Variants in SYT2 observed in about 807,000 individuals in gnomAD.
The protein encoded by SYT2 is synaptotagmin-2.
SYT2 carries 15 observed loss-of-function variants against 39.9 expected under a neutral mutation model. The ratio of observed to expected loss-of-function variants is 0.38; its 90% CI spans 0.25 to 0.58. The LOEUF is 0.58. Among genes scored for constraint, SYT2 ranks in the 20% least tolerant of loss-of-function variants. The pLI, the probability that SYT2 is intolerant of heterozygous loss-of-function variation, is 0.70. For missense variants in SYT2, 389 were observed against 530.3 expected (o/e 0.73, Z 2.62); for synonymous variants, 181 against 204.5 (o/e 0.89, Z 0.98).
At chr1:202,669,985 C>T (rs1692558431) in intron 1 of SYT2, among the ~76,000 whole-genome samples, 1 of 152,098 alleles carries the variant, frequency 6.6e-6, no homozygotes, top group Non-Finnish European at 1.5e-5. Context: ...GGTCCAGATC[C>T]ATTGAACAAC....
chr1:202,680,376 G>T (rs1473713052), intron 1 of SYT2, among the ~76,000 whole-genome samples: 1 of 152,170 alleles, frequency 6.6e-6, no homozygotes, highest in Non-Finnish European at 1.5e-5. Flanking sequence ...ACCTTTTGAT[G>T]ATTAAATTTG....
At chr1:202,611,560 T>C (rs1204252682) in intron 1 of SYT2, among the ~76,000 whole-genome samples, 1 of 152,162 alleles carries the variant, frequency 6.6e-6, no homozygotes, top group Non-Finnish European at 1.5e-5. Context: ...TTTACCATGT[T>C]GGCCAGGCTG....
intron 1 of SYT2, among the ~76,000 whole-genome samples, chr1:202,709,232 TCTC>T (rs936088096): frequency 2.0e-5 from 3 of 152,118 alleles, no homozygotes; most frequent in Non-Finnish European, 1.5e-5. Context: ...TGCACTCCCT[TCTC>T]CTGCTGCGGG....
At chr1:202,687,681 A>G (rs1002646484) in intron 1 of SYT2, among the ~76,000 whole-genome samples, 5 of 151,668 alleles carry the variant, frequency 3.3e-5, no homozygotes, top group African/African-American at 4.8e-5. Context: ...AAAAAAAAAA[A>G]AAAGAAAAGA....
intron 1 of SYT2, among the ~76,000 whole-genome samples, chr1:202,678,787 A>G (rs1474519523): frequency 6.6e-6 from 1 of 152,124 alleles, no homozygotes; most frequent in East Asian, 1.9e-4. Flanking sequence ...TTATAAATTA[A>G]AACACAGATG....
At chr1:202,686,065 T>A (rs948002102) in intron 1 of SYT2, among the ~76,000 whole-genome samples, 1 of 152,190 alleles carries the variant, frequency 6.6e-6, no homozygotes, top group African/African-American at 2.4e-5. Context: ...GGTTTGGATA[T>A]CTGTCCCACT....
At chr1:202,660,115 T>A (rs1453066735) in intron 1 of SYT2, among the ~76,000 whole-genome samples, 1 of 151,960 alleles carries the variant, frequency 6.6e-6, no homozygotes, top group Non-Finnish European at 1.5e-5. Flanking sequence ...CCTCCTGGGG[T>A]CAGGACAAGG....
chr1:202,666,010 G>A (rs908412672), intron 1 of SYT2, among the ~76,000 whole-genome samples: 12 of 150,782 alleles, frequency 8.0e-5, no homozygotes, highest in African/African-American at 2.2e-4. Flanking sequence ...AAAATTAGCC[G>A]GGCGTGGTGG....
Position 202,599,498 on chromosome 1 carries a change from A to G in SYT2, c.920-147T>C. 1.1e-6 allele frequency: 1 copy of G among 946,832 alleles called. No individual in the cohort carries two copies. The allele number at this position is 946,832 out of a possible 1,614,324, so 58.7% of individuals were successfully genotyped here. A position where few individuals can be genotyped will look rare whatever the true frequency, so the allele number is the denominator to read the frequency against. On this transcript the variant is annotated intron_variant, in intron 7 of 8. Coordinates refer to ENST00000367268, the MANE Select transcript of SYT2 (RefSeq NM_177402.5). The surrounding 1 kb of genome is among the most constrained non-coding windows in gnomAD (Gnocchi z 4.4). ...CCCTCAGAAAGCCCCAAGTCATGCC[A>G]TCCAGTTCAAAGGTGGCAAAAGGCT... is the stretch of plus-strand genomic sequence containing the variant.
intron 1 of SYT2, among the ~76,000 whole-genome samples, chr1:202,663,169 G>A (rs538740485): frequency 6.4e-4 from 97 of 152,330 alleles, no homozygotes; most frequent in East Asian, 2.3e-3. Flanking sequence ...ACAAGAAAGA[G>A]AACTCAAGCC....
rs779602046 is a variant in SYT2 at position 202,600,347 on chromosome 1, C to T, written c.919+10G>A. On this transcript the variant is annotated intron_variant, in intron 7 of 8. Coordinates refer to ENST00000367268, the MANE Select transcript of SYT2 (RefSeq NM_177402.5). ...TGCCACCCAATGGCAGCCAGAAGCT[C>T]TCCACGTACCTGAAAGGCCGCCCAC... is the stretch of plus-strand genomic sequence containing the variant. 72 of 1,612,746 alleles carry T rather than the reference C, an allele frequency of 4.5e-5. No individual in the cohort carries two copies. Among genetic ancestry groups the T allele is most frequent in the Non-Finnish European group, 5.8e-5 (68 of 1,178,970 alleles).
intron 1 of SYT2, among the ~76,000 whole-genome samples, chr1:202,652,822 C>T (rs1250359830): frequency 2.0e-5 from 3 of 152,214 alleles, no homozygotes; most frequent in Non-Finnish European, 4.4e-5. Context: ...TACTTAAACT[C>T]TCTGAGCTCC....
intron 1 of SYT2, among the ~76,000 whole-genome samples, chr1:202,659,233 G>A (rs546215630): frequency 6.6e-6 from 1 of 152,220 alleles, no homozygotes; most frequent in South Asian, 2.1e-4. Context: ...TGCTACCTCT[G>A]TCCGTGTTCT....
At position 202,601,961 on chromosome 1, in the gene SYT2, G is replaced by A; in HGVS notation, c.730C>T (p.Pro244Ser). The A allele has an allele frequency of 6.2e-7, 1 of 1,614,154 alleles. No individual in the cohort carries two copies. Among genetic ancestry groups the A allele is most frequent in the Non-Finnish European group, 8.5e-7 (1 of 1,180,024 alleles). Residue 244 changes from proline (P) to serine (S), a missense_variant, in exon 6 of 9, where the codon CCT (proline) becomes TCT (serine). Transcript: ENST00000367268. The surrounding 1 kb of genome is among the most constrained non-coding windows in gnomAD (Gnocchi z 4.0). ...TGGCCGAGGTCCACTGTGTTCATAG[G>A]CACCTTTACCTCTCCAATGATGTCA... ...KHDIIGEVKV[P>S]MNTVDLGQPI...
intron 1 of SYT2, among the ~76,000 whole-genome samples, chr1:202,695,617 G>T (rs538539478): frequency 3.9e-5 from 6 of 152,340 alleles, no homozygotes; most frequent in African/African-American, 1.4e-4. Flanking sequence ...GTGAATTGGG[G>T]ATAGTTTATG....
chr1:202,616,760 C>G lies in SYT2; in HGVS notation c.-17-10971G>C, dbSNP rs369355352. On this transcript the variant is annotated intron_variant, in intron 1 of 8. Coordinates refer to ENST00000367268, the MANE Select transcript of SYT2 (RefSeq NM_177402.5). ...GTGACTACTCCTCCTTCGGTTGCCTCAGGCTTGCACTTGAGGTCCTTCCCT... is the reference window on the plus strand; with the variant it reads ...GTGACTACTCCTCCTTCGGTTGCCTGAGGCTTGCACTTGAGGTCCTTCCCT... Among the ~76,000 whole-genome samples, 6 of 152,336 alleles carry G rather than the reference C, an allele frequency of 3.9e-5. No homozygotes were observed. In the East Asian group the frequency reaches 1.2e-3, roughly 29 times the overall value.
Position 202,599,423 on chromosome 1 carries a change from C to A in SYT2, c.920-72G>T. 6.6e-7 allele frequency: 1 copy of A among 1,509,622 alleles called. No homozygotes were observed. The highest frequency in any genetic ancestry group is 8.8e-7 in the Non-Finnish European group (1 of 1,132,262). 93.5% of individuals were successfully genotyped at this position (1,509,622 alleles called of 1,614,324 possible). A position where few individuals can be genotyped will look rare whatever the true frequency, so the allele number is the denominator to read the frequency against. On this transcript the variant is annotated intron_variant, in intron 7 of 8. Transcript: ENST00000367268. This position sits in a 1 kb window ranked among gnomAD's most constrained non-coding sequence, Gnocchi z 4.4. ...AGCCTTCCTGCCGAATGTACCAAGGCCTGCCCAGAGCATCGGTCAAGAGGG... is the reference window on the plus strand; with the variant it reads ...AGCCTTCCTGCCGAATGTACCAAGGACTGCCCAGAGCATCGGTCAAGAGGG...
chr1:202,665,413 GC>G (rs1432413595), intron 1 of SYT2, among the ~76,000 whole-genome samples: 2 of 152,068 alleles, frequency 1.3e-5, no homozygotes, highest in African/African-American at 4.8e-5. Flanking sequence ...ATGACAAGGC[GC>G]CTGACCTCAA....
intron 1 of SYT2, among the ~76,000 whole-genome samples, chr1:202,697,840 G>GA (rs1291439544): frequency 6.6e-6 from 1 of 152,150 alleles, no homozygotes; most frequent in Admixed American, 6.5e-5. Context: ...AATAGAGCTG[G>GA]AAAAAATAAA....
Sources: allele counts gnomAD v4.1 joint callset (sites outside exome capture counted in the v4.1 genomes callset), GRCh38; gene constraint gnomAD v4.1.1; non-coding constraint Gnocchi (gnomAD v3.1); transcripts MANE v1.5; gene names NCBI Gene and HGNC (gene_info 2026-07-23, HGNC 2026-07-21).